The following MEAK7 variants were observed in gnomAD, a reference collection of about 807,000 sequenced individuals.
MEAK7 encodes the protein MTOR-associated protein MEAK7.
MEAK7 carries 68 observed loss-of-function variants against 40.5 expected under a neutral mutation model. The ratio of observed to expected loss-of-function variants is 1.68; its 90% CI spans 1.38 to 2.06. The LOEUF (loss-of-function observed/expected upper bound fraction) is 2.06, where lower values mean the gene tolerates loss of function less well. Ranked by LOEUF, MEAK7 falls within the 30% of genes most tolerant of loss-of-function variation. MEAK7 has a pLI of 0.00. For synonymous variants in MEAK7, 338 were observed against 231.9 expected (o/e 1.46, Z -4.16); for missense variants, 918 against 580.5 (o/e 1.58, Z -5.98).
Position 84,495,690 on chromosome 16 carries a change from A to G in MEAK7, c.377T>C (p.Val126Ala). The change falls in exon 3 of 8, where the codon GTC becomes GCC. Residue 126 changes from valine (V) to alanine (A), a missense_variant. By Grantham distance (64) the Val-to-Ala change is moderately conservative. Coordinates refer to ENST00000343629, the MANE Select transcript of MEAK7 (RefSeq NM_020947.4). The part of the protein sequence containing the change: ...ATEGPVKARE[V>A]QKFTEDLVGS... Reference sequence around the variant, plus strand: ...ACCTCGCGGCCTCACTACCTTTTGGACTTCTCTGGCCTTCACGGGACCTTC... The same window carrying G: ...ACCTCGCGGCCTCACTACCTTTTGGGCTTCTCTGGCCTTCACGGGACCTTC... 5 of 1,613,980 alleles carry G rather than the reference A, an allele frequency of 3.1e-6. No homozygotes were observed. The highest frequency in any genetic ancestry group is 4.2e-6 in the Non-Finnish European group (5 of 1,179,988).
intron 2 of MEAK7, among the ~76,000 whole-genome samples, chr16:84,496,626 A>T (rs9937864): frequency 0.037 from 5,583 of 152,240 alleles, 383 homozygotes; most frequent in African/African-American, 0.13. Context: ...GGCCCAGACC[A>T]ACCTCGGCCA....
Position 84,478,121 on chromosome 16 carries a change from G to A in MEAK7, c.*1792C>T, listed in dbSNP as rs754412922. ...TAATTGCATTTTTATAAAAAACATTGCAAAACAAAGTGACAATAGGGACCT... is the reference window on the plus strand; with the variant it reads ...TAATTGCATTTTTATAAAAAACATTACAAAACAAAGTGACAATAGGGACCT... On this transcript the variant is annotated 3_prime_UTR_variant, in exon 8 of 8. Transcript: ENST00000343629. The A allele has an allele frequency of 3.3e-5, 5 of 152,040 alleles. No individual in the cohort carries two copies. In the East Asian group the frequency reaches 9.6e-4, roughly 29 times the overall value. The allele number at this position is 152,040 out of a possible 1,614,324, so 9.4% of individuals were successfully genotyped here. A position where few individuals can be genotyped will look rare whatever the true frequency, so the allele number is the denominator to read the frequency against.
Position 84,499,665 on chromosome 16 carries a change from C to A in MEAK7, c.-25-1554G>T, listed in dbSNP as rs1914339479. ...GTACACGAGCAATCTCCTCTCATTCCTCCCTCCCACATGCCCTGGCCATCA... is the reference window on the plus strand; with the variant it reads ...GTACACGAGCAATCTCCTCTCATTCATCCCTCCCACATGCCCTGGCCATCA... On this transcript the variant is annotated intron_variant, in intron 1 of 7. Transcript: ENST00000343629. Among the ~76,000 whole-genome samples the A allele has an allele frequency of 2.6e-5, 4 of 152,284 alleles. No homozygotes were observed. The South Asian group carries it at 8.3e-4, about 32-fold the overall frequency.
Position 84,478,548 on chromosome 16 carries a change from G to A in MEAK7, c.*1365C>T, listed in dbSNP as rs554142079. ...AGCTTACAGCAAAAGACAAAAGGAA[G>A]AGGTATATATCTTAGAGACAAGCTC... On this transcript the variant is annotated 3_prime_UTR_variant, in exon 8 of 8. Transcript: ENST00000343629. 1 of 152,364 alleles carries A rather than the reference G, an allele frequency of 6.6e-6. No homozygotes were observed. Among genetic ancestry groups the A allele is most frequent in the African/African-American group, 2.4e-5 (1 of 41,580 alleles). The allele number at this position is 152,364 out of a possible 1,614,324, so 9.4% of individuals were successfully genotyped here.
At chr16:84,503,247 T>C (rs1190459871) in intron 1 of MEAK7, among the ~76,000 whole-genome samples, 1 of 152,224 alleles carries the variant, frequency 6.6e-6, no homozygotes, top group Non-Finnish European at 1.5e-5. Flanking sequence ...TATGAATTTG[T>C]GTTGGATGTC....
rs367802787 is a variant in MEAK7, at chr16:84,497,466, G to A, written c.153+468C>T. 2.1e-5 allele frequency: 27 copies of A among 1,289,822 alleles called. 1 individual carries two copies. The African/African-American group carries it at 2.3e-4, about 11-fold the overall frequency. 79.9% of individuals were successfully genotyped at this position (1,289,822 alleles called of 1,614,324 possible). A position where few individuals can be genotyped will look rare whatever the true frequency, so the allele number is the denominator to read the frequency against. On this transcript the variant is annotated intron_variant, in intron 2 of 7. Coordinates refer to ENST00000343629, the MANE Select transcript of MEAK7 (RefSeq NM_020947.4). Reference sequence around the variant, plus strand: ...CCTGACACGTCATGGTTCCTGGACCGACGAGTCCAGGAGGGCAGACCCATC... The same window carrying A: ...CCTGACACGTCATGGTTCCTGGACCAACGAGTCCAGGAGGGCAGACCCATC...
chr16:84,481,521 C>T (rs143212191), intron 6 of MEAK7, among the ~76,000 whole-genome samples: 4 of 152,312 alleles, frequency 2.6e-5, no homozygotes, highest in East Asian at 1.9e-4. Context: ...GGCCTGGCCA[C>T]GCCCCTCCCT....
intron 4 of MEAK7, chr16:84,488,296 A>C (rs1913271245): frequency 2.6e-5 from 4 of 152,216 alleles, no homozygotes; most frequent in Admixed American, 2.6e-4. Flanking sequence ...TCCAAGTTCC[A>C]AATACCTCAT....
chr16:84,501,926 CCT>C, intron 1 of MEAK7, among the ~76,000 whole-genome samples: 1 of 152,176 alleles, frequency 6.6e-6, no homozygotes, highest in African/African-American at 2.4e-5. Flanking sequence ...GGGTGGATCT[CCT>C]GAGGTCGGGA....
At chr16:84,504,569 A>G (rs1396329552) in intron 1 of MEAK7, 32 bp downstream of exon 1, 2 of 984,326 alleles carry the variant, frequency 2.0e-6, no homozygotes, top group Non-Finnish European at 1.2e-6. Context: ...CCTCTGGGTC[A>G]GCTCACTGCG....
chr16:84,504,657 G>C lies in MEAK7; in HGVS notation c.-82C>G, dbSNP rs867789735. 3 of 985,506 alleles carry C rather than the reference G, an allele frequency of 3.0e-6. No individual in the cohort carries two copies. Among genetic ancestry groups the C allele is most frequent in the Non-Finnish European group, 3.6e-6 (3 of 830,044 alleles). 61.0% of individuals were successfully genotyped at this position (985,506 alleles called of 1,614,324 possible). On this transcript the variant is annotated 5_prime_UTR_variant, in exon 1 of 8. Coordinates refer to ENST00000343629, the MANE Select transcript of MEAK7 (RefSeq NM_020947.4). ...GTCCAGCAGCCCACGGGCTCCTCTC[G>C]AGAGCCGCCCCTTCCCTGTTGCCAG...
chr16:84,487,919 G>C (rs1240755284), intron 4 of MEAK7: 2 of 152,158 alleles, frequency 1.3e-5, no homozygotes, highest in Non-Finnish European at 2.9e-5. Context: ...TACGTCTTAA[G>C]CTCTTGCTGA....
intron 1 of MEAK7, among the ~76,000 whole-genome samples, chr16:84,504,371 T>C (rs1914724577): frequency 6.6e-6 from 1 of 152,282 alleles, no homozygotes; most frequent in East Asian, 1.9e-4. Context: ...TGCAGGATGA[T>C]TCTGATCCCC....
At chr16:84,497,641 T>C (rs1316921226) in intron 2 of MEAK7, 8 of 1,398,384 alleles carry the variant, frequency 5.7e-6, no homozygotes, top group Non-Finnish European at 7.5e-6. Flanking sequence ...CTACTCCAGG[T>C]TCCTTTCTGT....
rs1479553890 is a variant in MEAK7 at position 84,499,520 on chromosome 16, T to C, written c.-25-1409A>G. ...AGGGTAATCAGGATCTTTCTCTTCA[T>C]TGCGATGAGATTCACATAAAATTAA... On this transcript the variant is annotated intron_variant, in intron 1 of 7. Transcript: ENST00000343629. Among the ~76,000 whole-genome samples, 5 of 152,196 alleles carry C rather than the reference T, an allele frequency of 3.3e-5. 1 individual carries two copies. The South Asian group carries it at 6.2e-4, about 19-fold the overall frequency.
intron 3 of MEAK7, among the ~76,000 whole-genome samples, chr16:84,490,688 G>GTGTGTGTGTGTC (rs1913519180): frequency 6.8e-6 from 1 of 147,782 alleles, no homozygotes; most frequent in African/African-American, 2.6e-5. Context: ...GTGTGTGTGT[G>GTGTGTGTGTGTC]TGTGTGTATT....
rs1289467269 is a variant in MEAK7, at chr16:84,479,996, C to G, written c.1288G>C (p.Asp430His). 6.2e-7 allele frequency: 1 copy of G among 1,608,678 alleles called. No individual in the cohort carries two copies. The highest frequency in any genetic ancestry group is 8.5e-7 in the Non-Finnish European group (1 of 1,176,268). Residue 430 changes from aspartate (D) to histidine (H), a missense_variant, in exon 8 of 8, where the codon GAC becomes CAC. Asp to His is a moderately conservative substitution (Grantham distance 81). Coordinates refer to ENST00000343629, the MANE Select transcript of MEAK7 (RefSeq NM_020947.4). ...TCCAGCAGGGCCTGGGCCTCAGGGTCCGCATCCAGGATGCTCTTGTTGCCC... is the reference window on the plus strand; with the variant it reads ...TCCAGCAGGGCCTGGGCCTCAGGGTGCGCATCCAGGATGCTCTTGTTGCCC... ...AKGNKSILDA[D>H]PEAQALLEIS...
chr16:84,502,687 A>G (rs1375366371), intron 1 of MEAK7: 1 of 152,194 alleles, frequency 6.6e-6, no homozygotes, highest in Non-Finnish European at 1.5e-5. Flanking sequence ...CCTGGGCAAC[A>G]TAGTGAGACT....
intron 5 of MEAK7, among the ~76,000 whole-genome samples, chr16:84,485,410 T>C (rs1912945070): frequency 1.3e-5 from 2 of 152,204 alleles, no homozygotes; most frequent in Non-Finnish European, 2.9e-5. Context: ...AGATGCCACC[T>C]AGCCTCTGCT....
Sources: allele counts gnomAD v4.1 joint callset (sites outside exome capture counted in the v4.1 genomes callset), GRCh38; gene constraint gnomAD v4.1.1; transcripts MANE v1.5; gene names NCBI Gene and HGNC (gene_info 2026-07-23, HGNC 2026-07-21).